The following PTTG1IP2 variants were observed in gnomAD, a reference collection of about 807,000 sequenced individuals.
The protein encoded by PTTG1IP2 is PTTG1IP family member 2.
chr7:90,480,498 A>G (rs1174697909), intron 2 of PTTG1IP2, among the ~76,000 whole-genome samples: 1 of 152,172 alleles, frequency 6.6e-6, no homozygotes, highest in Non-Finnish European at 1.5e-5. Flanking sequence ...AATTTTTTTA[A>G]TGTATGCTCT....
At chr7:90,506,141 A>G (rs924781589) in intron 6 of PTTG1IP2, among the ~76,000 whole-genome samples, 1 of 151,902 alleles carries the variant, frequency 6.6e-6, no homozygotes, top group Non-Finnish European at 1.5e-5. Flanking sequence ...AGCTCTAGAA[A>G]CCCTAGGACT....
intron 1 of PTTG1IP2, among the ~76,000 whole-genome samples, chr7:90,473,089 C>G (rs908652538): frequency 6.6e-6 from 1 of 152,132 alleles, no homozygotes; most frequent in African/African-American, 2.4e-5. Context: ...TAACATGGCT[C>G]CCAAACAGTA....
At chr7:90,482,237 A>G (rs1360782356) in intron 2 of PTTG1IP2, among the ~76,000 whole-genome samples, 2 of 152,116 alleles carry the variant, frequency 1.3e-5, no homozygotes, top group Non-Finnish European at 2.9e-5. Context: ...CTCTTTTTGG[A>G]CTAAAAGGAG....
chr7:90,512,558 T>C (rs181055622), intron 6 of PTTG1IP2, among the ~76,000 whole-genome samples: 1 of 152,236 alleles, frequency 6.6e-6, no homozygotes, highest in African/African-American at 2.4e-5. Context: ...TAAGATTATG[T>C]CAGGATTTAT....
chr7:90,491,791 T>C lies in PTTG1IP2; in HGVS notation c.381-448T>C, dbSNP rs574177147. On this transcript the variant is annotated intron_variant, in intron 4 of 6. Coordinates refer to ENST00000509356, the MANE Select transcript of PTTG1IP2 (RefSeq NM_001365443.2). ...GCTTTTCTTAATTAAATGTTTTAAT[T>C]CTCCTGGTGGAGGGATAAAAGAAGA... Among the ~76,000 whole-genome samples the C allele has an allele frequency of 1.7e-4, 26 of 152,324 alleles. No homozygotes were observed. In the South Asian group the frequency reaches 5.4e-3, roughly 32 times the overall value.
chr7:90,474,738 C>T (rs1797727823), intron 1 of PTTG1IP2, among the ~76,000 whole-genome samples: 1 of 152,132 alleles, frequency 6.6e-6, no homozygotes. Flanking sequence ...CTCACCCACA[C>T]CACAGAGGTG....
intron 1 of PTTG1IP2, among the ~76,000 whole-genome samples, chr7:90,476,865 G>C (rs969998096): frequency 6.6e-6 from 1 of 151,876 alleles, no homozygotes; most frequent in African/African-American, 2.4e-5. Context: ...TCTCTTAGCT[G>C]TTCTTGAAAA....
intron 6 of PTTG1IP2, among the ~76,000 whole-genome samples, chr7:90,510,869 T>C (rs11563336): frequency 0.28 from 43,145 of 152,130 alleles, 6,512 homozygotes; most frequent in East Asian, 0.51. Flanking sequence ...AAATTTACTG[T>C]TTTTAGTCTT....
intron 6 of PTTG1IP2, among the ~76,000 whole-genome samples, chr7:90,503,558 A>G (rs1037425849): frequency 2.0e-5 from 3 of 152,186 alleles, no homozygotes; most frequent in Non-Finnish European, 4.4e-5. Flanking sequence ...TCACTTGAAC[A>G]CTTAGAGGTC....
At chr7:90,489,301 C>T (rs1797912535) in intron 4 of PTTG1IP2, among the ~76,000 whole-genome samples, 1 of 151,374 alleles carries the variant, frequency 6.6e-6, no homozygotes, top group South Asian at 2.1e-4. Context: ...ATCTATTGAC[C>T]CCCAATCATT....
chr7:90,474,944 C>A (rs1318268470), intron 1 of PTTG1IP2, among the ~76,000 whole-genome samples: 1 of 152,122 alleles, frequency 6.6e-6, no homozygotes, highest in Non-Finnish European at 1.5e-5. Flanking sequence ...ACTAAGCTGG[C>A]AAGTAGATTG....
At chr7:90,496,293 G>A (rs1797990100) in intron 6 of PTTG1IP2, among the ~76,000 whole-genome samples, 1 of 152,112 alleles carries the variant, frequency 6.6e-6, no homozygotes, top group African/African-American at 2.4e-5. Flanking sequence ...TTTTATGGGA[G>A]ACCATTTATT....
At chr7:90,507,127 T>C (rs17865976) in intron 6 of PTTG1IP2, among the ~76,000 whole-genome samples, 3 of 152,326 alleles carry the variant, frequency 2.0e-5, no homozygotes, top group African/African-American at 7.2e-5. Flanking sequence ...CGAAGTTAGT[T>C]ATAATAATTA....
At chr7:90,484,718 C>T (rs1448846899) in intron 2 of PTTG1IP2, among the ~76,000 whole-genome samples, 1 of 152,134 alleles carries the variant, frequency 6.6e-6, no homozygotes, top group African/African-American at 2.4e-5. Context: ...CAAACTCAAA[C>T]TAATTTAATA....
chr7:90,475,515 T>C (rs747936860), intron 1 of PTTG1IP2, among the ~76,000 whole-genome samples: 6 of 152,122 alleles, frequency 3.9e-5, no homozygotes, highest in Non-Finnish European at 5.9e-5. Context: ...AACTCAATAA[T>C]TGAGCCATGG....
At chr7:90,470,372 T>C (rs1453210241) in intron 1 of PTTG1IP2, 6 of 152,190 alleles carry the variant, frequency 3.9e-5, no homozygotes, top group African/African-American at 1.4e-4. Flanking sequence ...CCTCTCTCGA[T>C]TTCCTTCCAA....
intron 1 of PTTG1IP2, among the ~76,000 whole-genome samples, chr7:90,473,911 G>A (rs950497224): frequency 6.6e-6 from 1 of 152,214 alleles, no homozygotes; most frequent in Admixed American, 6.5e-5. Flanking sequence ...AATGGTTGTT[G>A]TGAGGATCAA....
chr7:90,495,066 A>G (rs1235178756), intron 6 of PTTG1IP2, among the ~76,000 whole-genome samples: 1 of 152,160 alleles, frequency 6.6e-6, no homozygotes, highest in African/African-American at 2.4e-5. Context: ...GAAAGTGGAG[A>G]TATAACAGTT....
chr7:90,483,402 A>G (rs1303677014), intron 2 of PTTG1IP2, among the ~76,000 whole-genome samples: 3 of 152,162 alleles, frequency 2.0e-5, no homozygotes, highest in Non-Finnish European at 2.9e-5. Context: ...CCTTGCCTCT[A>G]TCTATGTGTC....
Sources: gnomAD v4.1 joint callset for allele counts (sites outside exome capture counted in the v4.1 genomes callset) on GRCh38, gnomAD v4.1.1 for gene constraint, MANE v1.5 for transcripts, NCBI Gene and HGNC (gene_info 2026-07-23, HGNC 2026-07-21) for gene names.